The following CNTN4 variants were observed in gnomAD, a reference collection of about 807,000 sequenced individuals.
CNTN4 encodes contactin-4.
Under a neutral mutation model 122.5 loss-of-function variants are expected in CNTN4, and 77 were observed. The ratio of observed to expected loss-of-function variants is 0.63; its 90% CI spans 0.52 to 0.76. CNTN4 has a LOEUF of 0.76. CNTN4 is among the 30% of genes least tolerant of loss of function. The pLI is 0.00. For missense variants in CNTN4, 1,256 were observed against 1,259.1 expected (o/e 1.00, Z 0.04); for synonymous variants, 512 against 447.0 (o/e 1.15, Z -1.83).
At chr3:2,397,588 A>C (rs920798004) in intron 3 of CNTN4, among the ~76,000 whole-genome samples, 8 of 152,210 alleles carry the variant, frequency 5.3e-5, no homozygotes, top group African/African-American at 1.9e-4. Context: ...TATGCAGCTA[A>C]TGTTGCAAAC....
chr3:2,409,985 TA>T (rs2047173923), intron 3 of CNTN4, among the ~76,000 whole-genome samples: 2 of 152,184 alleles, frequency 1.3e-5, no homozygotes, highest in Admixed American at 1.3e-4. Context: ...TGGGTCATTA[TA>T]AAAATTTCAG....
At chr3:2,919,505 A>G (rs2094405908) in intron 12 of CNTN4, among the ~76,000 whole-genome samples, 1 of 152,212 alleles carries the variant, frequency 6.6e-6, no homozygotes, top group Non-Finnish European at 1.5e-5. Context: ...TCTTGCCTTC[A>G]AGGAACTGAT....
At chr3:2,559,750 T>C (rs1256531114) in intron 3 of CNTN4, among the ~76,000 whole-genome samples, 2 of 152,140 alleles carry the variant, frequency 1.3e-5, no homozygotes, top group Non-Finnish European at 2.9e-5. Context: ...ATTTGTCAAA[T>C]GGGGTGGAAA....
chr3:2,139,559 T>G (rs1440819915), intron 2 of CNTN4, among the ~76,000 whole-genome samples: 1 of 152,198 alleles, frequency 6.6e-6, no homozygotes, highest in Non-Finnish European at 1.5e-5. Context: ...CAATCAAATA[T>G]TGAAACTGCC....
chr3:2,614,990 A>C (rs1388492601), intron 4 of CNTN4, among the ~76,000 whole-genome samples: 1 of 152,116 alleles, frequency 6.6e-6, no homozygotes, highest in East Asian at 1.9e-4. Context: ...TTGACAACAC[A>C]ATTGCTGAGA....
intron 12 of CNTN4, among the ~76,000 whole-genome samples, chr3:2,904,984 A>G (rs2094213461): frequency 6.6e-6 from 1 of 152,162 alleles, no homozygotes; most frequent in Non-Finnish European, 1.5e-5. Context: ...TTAATGATTT[A>G]TATCTAGAGT....
chr3:2,686,879 C>A (rs1266627831), intron 4 of CNTN4, among the ~76,000 whole-genome samples: 1 of 152,148 alleles, frequency 6.6e-6, no homozygotes, highest in East Asian at 1.9e-4. Context: ...TGGGAGAAAA[C>A]AAACAGTGTA....
At chr3:2,487,042 C>A (rs2076183509) in intron 3 of CNTN4, among the ~76,000 whole-genome samples, 2 of 152,208 alleles carry the variant, frequency 1.3e-5, no homozygotes, top group South Asian at 4.1e-4. Flanking sequence ...ATTCCTGCTA[C>A]CTTCTCCCCA....
intron 10 of CNTN4, among the ~76,000 whole-genome samples, chr3:2,897,452 A>G (rs893134826): frequency 6.7e-6 from 1 of 148,700 alleles, no homozygotes; most frequent in Non-Finnish European, 1.5e-5. Flanking sequence ...AAAAAAAAAG[A>G]CATTTAGAAA....
At chr3:2,739,052 A>G (rs1278180910) in intron 5 of CNTN4, among the ~76,000 whole-genome samples, 1 of 152,168 alleles carries the variant, frequency 6.6e-6, no homozygotes, top group Admixed American at 6.5e-5. Context: ...ACAGAATGTA[A>G]AAAACAACCT....
intron 8 of CNTN4, among the ~76,000 whole-genome samples, chr3:2,875,739 C>G (rs2093836668): frequency 6.6e-6 from 1 of 152,132 alleles, no homozygotes; most frequent in Non-Finnish European, 1.5e-5. Context: ...TTTGTGGCTC[C>G]AAAGACTTGA....
Position 2,993,863 on chromosome 3 carries a change from G to A in CNTN4, c.1486+5391G>A, listed in dbSNP as rs150800446. On this transcript the variant is annotated intron_variant, in intron 14 of 24. Coordinates refer to ENST00000418658, the MANE Select transcript of CNTN4 (RefSeq NM_175607.3). ...GTCTGATTATTAGCTGGAAGTGGTA[G>A]GGAGTTTTCTTTCCCAGGACCTTAG... 6.7e-3 allele frequency among the ~76,000 whole-genome samples: 1,021 copies of A among 152,254 alleles called. 19 individuals carry two copies. The highest frequency in any genetic ancestry group is 0.024 in the African/African-American group (979 of 41,552).
intron 4 of CNTN4, among the ~76,000 whole-genome samples, chr3:2,587,094 T>G (rs750707583): frequency 6.6e-6 from 1 of 152,204 alleles, no homozygotes; most frequent in Non-Finnish European, 1.5e-5. Context: ...TGTTTAAAAT[T>G]CACTAGGCTA....
chr3:2,485,877 C>T (rs1033695432), intron 3 of CNTN4, among the ~76,000 whole-genome samples: 8 of 151,980 alleles, frequency 5.3e-5, no homozygotes, highest in Admixed American at 5.2e-4. Context: ...GTAAAATGGA[C>T]CAATCAGCAG....
intron 2 of CNTN4, among the ~76,000 whole-genome samples, chr3:2,230,476 T>C (rs1432319130): frequency 6.6e-6 from 1 of 152,076 alleles, no homozygotes. Context: ...TTGCCTCAAT[T>C]TGAGAGGGGA....
intron 13 of CNTN4, among the ~76,000 whole-genome samples, chr3:2,953,237 A>G (rs1183188002): frequency 6.6e-6 from 1 of 152,182 alleles, no homozygotes; most frequent in African/African-American, 2.4e-5. Context: ...TCATCTACCA[A>G]GCTCCCCTAA....
intron 2 of CNTN4, among the ~76,000 whole-genome samples, chr3:2,268,122 G>A (rs1300233484): frequency 1.3e-5 from 2 of 152,058 alleles, no homozygotes; most frequent in Non-Finnish European, 2.9e-5. Flanking sequence ...AATATACTTT[G>A]CTAGGCATTG....
At chr3:2,752,279 C>T (rs1446822595) in intron 6 of CNTN4, among the ~76,000 whole-genome samples, 1 of 152,246 alleles carries the variant, frequency 6.6e-6, no homozygotes, top group African/African-American at 2.4e-5. Flanking sequence ...CGCATCACCT[C>T]ATGCAACTAA....
intron 6 of CNTN4, among the ~76,000 whole-genome samples, chr3:2,805,033 C>T (rs927932872): frequency 1.3e-5 from 2 of 151,960 alleles, no homozygotes; most frequent in Non-Finnish European, 2.9e-5. Context: ...AAAAATTTGC[C>T]GGGCATGGTG....
Sources: gnomAD v4.1 joint callset for allele counts (sites outside exome capture counted in the v4.1 genomes callset) on GRCh38, gnomAD v4.1.1 for gene constraint, MANE v1.5 for transcripts, NCBI Gene and HGNC (gene_info 2026-07-23, HGNC 2026-07-21) for gene names.